Variants in TRIM15 observed in about 807,000 individuals in gnomAD.
The protein encoded by TRIM15 is E3 ubiquitin-protein ligase TRIM15.
Under a neutral mutation model 35.8 loss-of-function variants are expected in TRIM15, and 35 were observed. The observed-to-expected ratio is 0.98, with a 90% CI of 0.75 to 1.30. The LOEUF is 1.30. Among genes scored for constraint, TRIM15 ranks in the 50% most tolerant of loss-of-function variants. The pLI is 0.00. For synonymous variants in TRIM15, 252 were observed against 249.8 expected, an observed-to-expected ratio of 1.01 and a Z score of -0.08; for missense variants, 590 against 593.5, an observed-to-expected ratio of 0.99 and a Z score of 0.06.
intron 6 of TRIM15, 26 bp from the exon 7 acceptor site, chr6:30,171,806 T>C (rs1391880798): frequency 1.3e-6 from 2 of 1,489,228 alleles, no homozygotes; most frequent in Non-Finnish European, 1.8e-6. Context: ...CGCCCGCTGT[T>C]GATGTCTGCG....
Position 30,172,625 on chromosome 6 carries a change from G to C in TRIM15, c.*276G>C. 1 of 670,506 alleles carries C rather than the reference G, an allele frequency of 1.5e-6. No homozygotes were observed. Among genetic ancestry groups the C allele is most frequent in the South Asian group, 1.6e-5 (1 of 63,302 alleles). The allele number at this position is 670,506 out of a possible 1,614,324, so 41.5% of individuals were successfully genotyped here. A position where few individuals can be genotyped will look rare whatever the true frequency, so the allele number is the denominator to read the frequency against. ...GTGCCTAGGGCAACAGCCAACCTAG[G>C]AGCCAGCGGGCTTTCGGGGAAAAAA... On this transcript the variant is annotated 3_prime_UTR_variant, in exon 7 of 7. Transcript: ENST00000376694.
At chr6:30,170,097 G>A (rs1401686111) in intron 4 of TRIM15, among the ~76,000 whole-genome samples, 3 of 152,042 alleles carry the variant, frequency 2.0e-5, no homozygotes, top group South Asian at 2.1e-4. Context: ...ATATATTTTC[G>A]TTGATCCTTT....
At chr6:30,166,400 G>A (rs1399561796) in intron 1 of TRIM15, among the ~76,000 whole-genome samples, 1 of 152,194 alleles carries the variant, frequency 6.6e-6, no homozygotes, top group Non-Finnish European at 1.5e-5. Flanking sequence ...GTTTGTCAAA[G>A]ATCAGATGGT....
At position 30,168,328 on chromosome 6, in the gene TRIM15, T is replaced by C. The variant is rs1354495574; in HGVS notation, c.506T>C (p.Val169Ala). The stretch of plus-strand genomic sequence containing the variant: ...CAGATCGAAAGCAAGAAGCATCAGG[T>C]GGAAACAGCTTTTGAGAGGCTGCAG... ...LTQIESKKHQ[V>A]ETAFERLQQE... Residue 169 changes from valine (V) to alanine (A), a missense_variant, in exon 3 of 7, where the codon GTG becomes GCG. By Grantham distance (64) the Val-to-Ala change is moderately conservative. Transcript: ENST00000376694. The C allele has an allele frequency of 3.7e-6, 6 of 1,612,864 alleles. No individual in the cohort carries two copies. In the African/African-American group the frequency reaches 6.7e-5, roughly 18 times the overall value.
chr6:30,164,631 A>G (rs949315473), intron 1 of TRIM15, among the ~76,000 whole-genome samples: 9 of 152,166 alleles, frequency 5.9e-5, no homozygotes. Flanking sequence ...TGGTTACCTT[A>G]GAAACATCTC....
rs777796051 is a variant in TRIM15 at position 30,171,999 on chromosome 6, C to T, written c.1048C>T (p.Arg350Cys). ...CCCGGGCTTCTCCTCCGGGCGCCAC[C>T]GCTGGCAGGTTGACCTGCAGCTGGG... Reference protein sequence around the residue: ...GFPGFSSGRHRWQVDLQLGDG... With the variant: ...GFPGFSSGRHCWQVDLQLGDG... The change falls in exon 7 of 7, where the codon CGC becomes TGC. Residue 350 changes from arginine (R) to cysteine (C), a missense_variant. Physicochemically the swap from Arg to Cys is radical, Grantham distance 180. Coordinates refer to ENST00000376694, the MANE Select transcript of TRIM15 (RefSeq NM_033229.3). The T allele has an allele frequency of 1.3e-6, 2 of 1,579,052 alleles. No homozygotes were observed. Among genetic ancestry groups the T allele is most frequent in the East Asian group, 2.3e-5 (1 of 43,172 alleles).
rs1773762699 is a variant in TRIM15 at position 30,168,383 on chromosome 6, G to A, written c.561G>A (p.Leu187=). 6.2e-7 allele frequency: 1 copy of A among 1,613,030 alleles called. No individual in the cohort carries two copies. Among genetic ancestry groups the A allele is most frequent in the Non-Finnish European group, 8.5e-7 (1 of 1,180,032 alleles). ...AGCTGGAGCAGCAGCGATGTCTCCT[G>A]CTGGCCAGGCTGAGGGAGCTGGAGC... The part of the protein sequence containing the change: ...QQELEQQRCL[L]LARLRELEQQ... The change falls in exon 3 of 7, where the codon CTG becomes CTA. Residue 187 remains leucine (L), a synonymous_variant. Transcript: ENST00000376694.
At chr6:30,168,712 G>C (rs1346537885) in intron 3 of TRIM15, 182 bp downstream of exon 3, 29 of 642,370 alleles carry the variant, frequency 4.5e-5, no homozygotes, top group Non-Finnish European at 7.1e-5. Context: ...AGGGGTTTAG[G>C]GTCAGACAGT....
intron 5 of TRIM15, 109 bp from the exon 6 acceptor site, chr6:30,170,867 C>A: frequency 7.7e-7 from 1 of 1,296,966 alleles, no homozygotes; most frequent in Non-Finnish European, 1.1e-6. Flanking sequence ...CAGCAGAAGC[C>A]GAGTCTTCTG....
intron 5 of TRIM15, 127 bp from the exon 6 acceptor site, chr6:30,170,849 C>A: frequency 8.8e-7 from 1 of 1,133,090 alleles, no homozygotes; most frequent in Non-Finnish European, 1.3e-6. Flanking sequence ...TTCTCCTCCA[C>A]TAGACCACAG....
In TRIM15 at chr6:30,168,331, A is replaced by G; in HGVS notation, c.509A>G (p.Glu170Gly). The G allele has an allele frequency of 6.2e-7, 1 of 1,613,098 alleles. No individual in the cohort carries two copies. Residue 170 changes from glutamate (E) to glycine (G), a missense_variant, in exon 3 of 7, where the codon GAA (glutamate) becomes GGA (glycine). Physicochemically the swap from Glu to Gly is moderately conservative, Grantham distance 98 (BLOSUM62 -2). Coordinates refer to ENST00000376694, the MANE Select transcript of TRIM15 (RefSeq NM_033229.3). ...ATCGAAAGCAAGAAGCATCAGGTGGAAACAGCTTTTGAGAGGCTGCAGCAG... is the reference window on the plus strand; with the variant it reads ...ATCGAAAGCAAGAAGCATCAGGTGGGAACAGCTTTTGAGAGGCTGCAGCAG... The part of the protein sequence containing the change: ...TQIESKKHQV[E>G]TAFERLQQEL...
intron 1 of TRIM15, among the ~76,000 whole-genome samples, chr6:30,166,384 T>C (rs1376211090): frequency 2.6e-5 from 4 of 152,246 alleles, no homozygotes; most frequent in Non-Finnish European, 5.9e-5. Flanking sequence ...TGCTTGTTTT[T>C]GTCAGGTTTG....
rs1773652119 is a variant in TRIM15, at chr6:30,167,077, C to G, written c.382-99C>G. 6 of 1,035,768 alleles carry G rather than the reference C, an allele frequency of 5.8e-6. No individual in the cohort carries two copies. In the Admixed American group the frequency reaches 1.2e-4, roughly 20 times the overall value. 64.2% of individuals were successfully genotyped at this position (1,035,768 alleles called of 1,614,324 possible). On this transcript the variant is annotated intron_variant, in intron 1 of 6. Coordinates refer to ENST00000376694, the MANE Select transcript of TRIM15 (RefSeq NM_033229.3). ...GACTGGGCCTTTTCCACCTTTGAAC[C>G]CCTCAGCACTCAACAGTGTGCCCAG...
Position 30,172,215 on chromosome 6 carries a change from G to T in TRIM15, c.1264G>T (p.Glu422Ter), listed in dbSNP as rs760869221. The T allele has an allele frequency of 5.0e-6, 8 of 1,611,782 alleles. No individual in the cohort carries two copies. The highest frequency in any genetic ancestry group is 6.8e-6 in the Non-Finnish European group (8 of 1,179,598). ...PRGVRVALDY[E>*]AGQVTLHNAQ... ...CGGCGTGAGAGTCGCCCTGGACTAC[G>T]AGGCGGGGCAGGTGACCCTCCACAA... The change falls in exon 7 of 7, where the codon GAG becomes TAG. Residue 422 changes from glutamate (E) to a stop codon, truncating the protein, a stop_gained. Transcript: ENST00000376694. LOFTEE classifies it low-confidence loss of function (END_TRUNC).
Position 30,163,800 on chromosome 6 carries a change from G to GCCT in TRIM15, c.119_121dup (p.Leu40dup), listed in dbSNP as rs1417484367. ...TGTGGACACACCTTCTGCCGGCTCT[G>GCCT]CCTCCCCGCGCTCTCCCAGATGGGG... On this transcript the variant is annotated inframe_insertion, in exon 1 of 7. Transcript: ENST00000376694. 11 of 1,612,918 alleles carry GCCT rather than the reference G, an allele frequency of 6.8e-6. No homozygotes were observed. Among genetic ancestry groups the GCCT allele is most frequent in the Non-Finnish European group, 9.3e-6 (11 of 1,179,958 alleles).
At chr6:30,168,999 AC>A (rs780349434) in intron 3 of TRIM15, among the ~76,000 whole-genome samples, 1 of 152,196 alleles carries the variant, frequency 6.6e-6, no homozygotes, top group Non-Finnish European at 1.5e-5. Context: ...CATTGCAGAC[AC>A]AACCCACCCC....
chr6:30,171,051 A>T (rs1252214042), intron 6 of TRIM15, 43 bp downstream of exon 6: 1 of 1,597,214 alleles, frequency 6.3e-7, no homozygotes, highest in Non-Finnish European at 8.5e-7. Context: ...CCATTCATCC[A>T]TTCAATCCAT....
Position 30,163,763 on chromosome 6 carries a change from G to A in TRIM15, c.79G>A (p.Val27Met). Residue 27 changes from valine (V) to methionine (M), a missense_variant, in exon 1 of 7, where the codon GTG becomes ATG. Transcript: ENST00000376694. ...TLCAGPLEDA[V>M]TIPCGHTFCR... The stretch of plus-strand genomic sequence containing the variant: ...CTGTGCGGGGCCGCTGGAGGATGCG[G>A]TGACCATTCCCTGTGGACACACCTT... The A allele has an allele frequency of 6.2e-7, 1 of 1,613,020 alleles. No homozygotes were observed. Among genetic ancestry groups the A allele is most frequent in the Non-Finnish European group, 8.5e-7 (1 of 1,180,022 alleles).
intron 4 of TRIM15, 113 bp downstream of exon 4, chr6:30,169,376 A>G (rs1157599157): frequency 4.5e-6 from 5 of 1,115,940 alleles, no homozygotes; most frequent in Non-Finnish European, 6.8e-6. Flanking sequence ...GCACTCTGGC[A>G]GACACACTGT....
Sources: gnomAD v4.1 joint callset for allele counts (sites outside exome capture counted in the v4.1 genomes callset) on GRCh38, gnomAD v4.1.1 for gene constraint, MANE v1.5 for transcripts, NCBI Gene and HGNC (gene_info 2026-07-23, HGNC 2026-07-21) for gene names.